Variants in GREB1 observed in about 807,000 individuals in gnomAD.
GREB1 encodes protein GREB1.
GREB1 carries 106 observed loss-of-function variants against 200.7 expected under a neutral mutation model. That is an observed-to-expected ratio of 0.53 (90% CI 0.45 to 0.62). The LOEUF (loss-of-function observed/expected upper bound fraction) is 0.62. GREB1 is among the 20% of genes least tolerant of loss of function. The pLI is 0.00. For synonymous variants in GREB1, 1,132 were observed against 1,092.4 expected (o/e 1.04, Z -0.72); for missense variants, 2,243 against 2,556.8 (o/e 0.88, Z 2.65).
intron 30 of GREB1, among the ~76,000 whole-genome samples, chr2:11,636,081 G>A (rs1685293911): frequency 6.6e-6 from 1 of 152,190 alleles, no homozygotes; most frequent in East Asian, 1.9e-4. Flanking sequence ...CTACGCTGAG[G>A]TGGGCTGGGT....
At chr2:11,612,211 A>AATT in intron 18 of GREB1, 2 of 569,640 alleles carry the variant, frequency 3.5e-6, no homozygotes, top group Non-Finnish European at 4.7e-6. Context: ...AAAAAAAAAG[A>AATT]CTTAAGGAGC....
intron 19 of GREB1, among the ~76,000 whole-genome samples, 161 bp from the exon 20 acceptor site, chr2:11,614,930 G>A (rs913023040): frequency 1.3e-5 from 2 of 152,162 alleles, no homozygotes; most frequent in Admixed American, 6.5e-5. Flanking sequence ...ATTTGTTGCT[G>A]CAAGCTCCCA....
At chr2:11,552,905 G>A (rs1245802786) in intron 1 of GREB1, among the ~76,000 whole-genome samples, 4 of 151,456 alleles carry the variant, frequency 2.6e-5, no homozygotes, top group Admixed American at 6.6e-5. Flanking sequence ...AGCTACACGG[G>A]AGGCTGAGGC....
chr2:11,491,622 G>A (rs980792327), intron 1 of GREB1, among the ~76,000 whole-genome samples: 1 of 152,192 alleles, frequency 6.6e-6, no homozygotes, highest in Non-Finnish European at 1.5e-5. Flanking sequence ...TTAATCATCT[G>A]ATAATGACAA....
chr2:11,637,619 A>G, intron 30 of GREB1, 97 bp from the exon 31 acceptor site: 3 of 968,718 alleles, frequency 3.1e-6, no homozygotes, highest in African/African-American at 3.2e-5. Context: ...TGAGTGACAC[A>G]AGCTCCCATG....
chr2:11,514,514 C>T (rs1046371564), intron 1 of GREB1, among the ~76,000 whole-genome samples: 3 of 152,156 alleles, frequency 2.0e-5, no homozygotes, highest in Non-Finnish European at 4.4e-5. Context: ...TAACTGCTGT[C>T]TTGGGGAGAA....
chr2:11,551,797 G>A (rs1034591096), intron 1 of GREB1, among the ~76,000 whole-genome samples: 1 of 152,162 alleles, frequency 6.6e-6, no homozygotes, highest in Non-Finnish European at 1.5e-5. Context: ...AGGACGAGCC[G>A]TGGCCAAAAA....
In GREB1 at chr2:11,602,399, G is replaced by A. The variant is rs755144115; in HGVS notation, c.2530-7G>A. The A allele has an allele frequency of 1.5e-5, 25 of 1,613,234 alleles. No homozygotes were observed. The highest frequency in any genetic ancestry group is 2.2e-5 in the East Asian group (1 of 44,896). On this transcript the variant is annotated splice_region_variant and splice_polypyrimidine_tract_variant and intron_variant, in intron 16 of 32. Transcript: ENST00000381486. ...GTTGGAGTGACCGACGCTCTTCTTTGTTTTAGGGAGTGGACTTATATCATG... is the reference window on the plus strand; with the variant it reads ...GTTGGAGTGACCGACGCTCTTCTTTATTTTAGGGAGTGGACTTATATCATG...
rs1685751223 is a variant in GREB1, at chr2:11,640,610, C to T, written c.*156C>T. On this transcript the variant is annotated 3_prime_UTR_variant, in exon 33 of 33. Transcript: ENST00000381486. This position sits in a 1 kb window ranked among gnomAD's most constrained non-coding sequence, Gnocchi z 4.6. ...CCTAGTACACATGGGCCCCCGAGGC[C>T]GTGGTCCTGGGAGCCAGGAAGACTC... is the stretch of plus-strand genomic sequence containing the variant. 3 of 804,978 alleles carry T rather than the reference C, an allele frequency of 3.7e-6. No individual in the cohort carries two copies. The highest frequency in any genetic ancestry group is 2.9e-5 in the Admixed American group (1 of 34,506). The allele number at this position is 804,978 out of a possible 1,614,324, so 49.9% of individuals were successfully genotyped here.
In GREB1 at chr2:11,492,572, C is replaced by T. The variant is rs983057471; in HGVS notation, c.-159+10191C>T. Reference sequence around the variant, plus strand: ...CTGTGAGACCCTGACCTGGGTCCCCCCTGAGCTGAGTTCCCACTCACTGGG... The same window carrying T: ...CTGTGAGACCCTGACCTGGGTCCCCTCTGAGCTGAGTTCCCACTCACTGGG... On this transcript the variant is annotated intron_variant, in intron 1 of 2. Coordinates refer to the GREB1 transcript ENST00000628795. This position sits in a 1 kb window ranked among gnomAD's most constrained non-coding sequence, Gnocchi z 4.0. 2.0e-5 allele frequency among the ~76,000 whole-genome samples: 3 copies of T among 152,172 alleles called. No homozygotes were observed. Among genetic ancestry groups the T allele is most frequent in the Non-Finnish European group, 4.4e-5 (3 of 68,036 alleles).
At chr2:11,485,261 A>ATTTTATTTTATTT (rs1180820409) in intron 1 of GREB1, among the ~76,000 whole-genome samples, 8 of 117,398 alleles carry the variant, frequency 6.8e-5, no homozygotes, top group Admixed American at 2.2e-4. Context: ...ATTTTATTTT[A>ATTTTATTTTATTT]TATATATATA....
intron 10 of GREB1, among the ~76,000 whole-genome samples, chr2:11,589,368 A>G (rs915721692): frequency 1.3e-5 from 2 of 152,158 alleles, no homozygotes; most frequent in African/African-American, 4.8e-5. Flanking sequence ...AGAAGGATTC[A>G]GCCTTGTGAT....
intron 17 of GREB1, among the ~76,000 whole-genome samples, chr2:11,605,144 CTTTTTTTT>C (rs3035991): frequency 4.7e-4 from 21 of 44,828 alleles, no homozygotes; most frequent in Middle Eastern, 0.031. Flanking sequence ...GAGCCTGCTT[CTTTTTTTT>C]TTTTTTTTTT....
intron 3 of GREB1, 95 bp from the exon 4 acceptor site, chr2:11,566,385 T>G: frequency 8.0e-7 from 1 of 1,244,402 alleles, no homozygotes; most frequent in South Asian, 1.5e-5. Flanking sequence ...TAAGGGTTTC[T>G]CCTGAGCAGA....
At chr2:11,566,928 G>C (rs1326116390) in intron 4 of GREB1, among the ~76,000 whole-genome samples, 1 of 152,166 alleles carries the variant, frequency 6.6e-6, no homozygotes. Flanking sequence ...TTAAGTGCCT[G>C]CTTGTGTCAA....
rs71911084 is a variant in GREB1, at chr2:11,511,122, GGCGTC to G, written c.-159+28742_-159+28746del. 5.6e-3 allele frequency among the ~76,000 whole-genome samples: 860 copies of G among 152,292 alleles called. 12 individuals are homozygous for G. Among genetic ancestry groups the G allele is most frequent in the African/African-American group, 0.02 (816 of 41,554 alleles). The stretch of plus-strand genomic sequence containing the variant: ...GGGCCAATGGTGAGGGCAGGCATGG[GGCGTC>G]AGGCTCACTTCCTCCCAGCAGTCTT... On this transcript the variant is annotated intron_variant, in intron 1 of 2. Transcript: ENST00000628795.
chr2:11,609,754 C>T (rs1431875330), intron 17 of GREB1, among the ~76,000 whole-genome samples: 3 of 152,156 alleles, frequency 2.0e-5, no homozygotes, highest in Admixed American at 6.5e-5. Flanking sequence ...ATCGCAATGT[C>T]AGAAATGCTA....
At chr2:11,593,981 A>G (rs1680979609) in intron 11 of GREB1, among the ~76,000 whole-genome samples, 1 of 152,014 alleles carries the variant, frequency 6.6e-6, no homozygotes, top group Admixed American at 6.5e-5. Context: ...TACCTTGTAA[A>G]ATTTACTTTA....
In GREB1 at chr2:11,518,534, G is replaced by T. The variant is rs192122175; in HGVS notation, c.-159+36153G>T. On this transcript the variant is annotated intron_variant, in intron 1 of 2. Coordinates refer to the GREB1 transcript ENST00000628795. ...GCTGCAGTGGGCAGGGGGCGGGTAG[G>T]GGGTGGGGGTGTGTGGCATGGGCCT... Among the ~76,000 whole-genome samples the T allele has an allele frequency of 6.2e-3, 945 of 152,052 alleles. 16 individuals are homozygous for T. The highest frequency in any genetic ancestry group is 0.022 in the African/African-American group (913 of 41,448).
Sources: gnomAD v4.1 joint callset for allele counts (sites outside exome capture counted in the v4.1 genomes callset) on GRCh38, gnomAD v4.1.1 for gene constraint, Gnocchi (gnomAD v3.1) non-coding constraint, MANE v1.5 for transcripts, NCBI Gene and HGNC (gene_info 2026-07-23, HGNC 2026-07-21) for gene names.